U2SURP: variants seen among roughly 807,000 people sequenced by gnomAD.
U2SURP encodes U2 snRNP-associated SURP motif-containing protein.
In U2SURP, 9 loss-of-function variants were observed where a neutral mutation model predicts 144.9. That is an observed-to-expected ratio of 0.06 (90% confidence interval 0.04 to 0.11). The LOEUF is 0.11. Ranked by LOEUF, U2SURP falls within the 10% of genes least tolerant of loss-of-function variation. U2SURP has a pLI of 1.00. For synonymous variants in U2SURP, 408 were observed against 396.8 expected, an observed-to-expected ratio of 1.03 and a Z score of -0.33; for missense variants, 724 against 1,226.7, an observed-to-expected ratio of 0.59 and a Z score of 6.12.
intron 24 of U2SURP, among the ~76,000 whole-genome samples, chr3:143,046,297 A>ATTTTTTTTTTTTTTTTTTTTTTTTTTTTT (rs11400849): frequency 3.8e-5 from 4 of 106,396 alleles, no homozygotes; most frequent in Non-Finnish European, 5.8e-5. Context: ...TTTATTTTTT[A>ATTTTTTTTTTTTTTTTTTTTTTTTTTTTT]TTTTTTTTTA....
chr3:143,042,010 A>AT (rs1173130103), intron 23 of U2SURP, among the ~76,000 whole-genome samples: 25 of 151,810 alleles, frequency 1.6e-4, no homozygotes, highest in South Asian at 1.0e-3. Context: ...CTCAGAATGT[A>AT]TTTTTTTTAA....
chr3:143,003,512 G>A (rs1935645741), intron 1 of U2SURP, among the ~76,000 whole-genome samples: 1 of 152,026 alleles, frequency 6.6e-6, no homozygotes, highest in South Asian at 2.1e-4. Flanking sequence ...TGTCTATGAA[G>A]TACATAATAA....
chr3:143,055,126 G>A lies in U2SURP; in HGVS notation c.2951+7G>A, dbSNP rs1935076744. On this transcript the variant is annotated splice_region_variant and intron_variant, in intron 27 of 27. Coordinates refer to ENST00000473835, the MANE Select transcript of U2SURP (RefSeq NM_001080415.2). ...TTAGCAAAAAAGCCAAAAGGTAAAT[G>A]CAAGTCATTTTTGCTAATATTTCAG... 2 of 1,566,654 alleles carry A rather than the reference G, an allele frequency of 1.3e-6. No homozygotes were observed. The highest frequency in any genetic ancestry group is 1.2e-5 in the South Asian group (1 of 81,430).
At chr3:143,048,380 C>T (rs1479134732) in intron 24 of U2SURP, among the ~76,000 whole-genome samples, 2 of 152,170 alleles carry the variant, frequency 1.3e-5, no homozygotes, top group Non-Finnish European at 2.9e-5. Context: ...CTCTTTCTAA[C>T]GCAAACTGAT....
intron 13 of U2SURP, chr3:143,025,864 T>C (rs536642322): frequency 1.3e-5 from 2 of 152,278 alleles, no homozygotes; most frequent in Non-Finnish European, 2.9e-5. Context: ...GAGAAAATAA[T>C]TATAGTCACC....
chr3:143,055,289 A>G (rs1424462395), intron 27 of U2SURP, among the ~76,000 whole-genome samples, 170 bp downstream of exon 27: 3 of 151,852 alleles, frequency 2.0e-5, no homozygotes, highest in East Asian at 1.9e-4. Flanking sequence ...CCTCATCCCA[A>G]TCTCTTTCAT....
intron 13 of U2SURP, chr3:143,024,544 C>T: frequency 4.6e-6 from 2 of 434,444 alleles, no homozygotes; most frequent in East Asian, 7.1e-5. Flanking sequence ...TTCATGGTAA[C>T]AAAGGTATTT....
chr3:143,033,499 C>G, intron 18 of U2SURP, 149 bp downstream of exon 18: 1 of 560,382 alleles, frequency 1.8e-6, no homozygotes, highest in Non-Finnish European at 3.1e-6. Context: ...TGAATTCAAC[C>G]AACCATGAAT....
chr3:143,042,190 A>G (rs745551958), intron 23 of U2SURP, among the ~76,000 whole-genome samples: 16 of 152,068 alleles, frequency 1.1e-4, no homozygotes, highest in Non-Finnish European at 1.8e-4. Context: ...ATAGTCTCTC[A>G]GGTTTTTATT....
intron 4 of U2SURP, among the ~76,000 whole-genome samples, chr3:143,015,255 G>C (rs1005766333): frequency 6.6e-6 from 1 of 152,046 alleles, no homozygotes; most frequent in Non-Finnish European, 1.5e-5. Context: ...TCTGTGAACT[G>C]TCTGCTCATA....
chr3:143,051,060 AGT>A lies in U2SURP; in HGVS notation c.2655+12_2655+13del, dbSNP rs1425786685. The A allele has an allele frequency of 6.6e-7, 1 of 1,512,642 alleles. No homozygotes were observed. The allele number at this position is 1,512,642 out of a possible 1,614,324, so 93.7% of individuals were successfully genotyped here. A position where few individuals can be genotyped will look rare whatever the true frequency, so the allele number is the denominator to read the frequency against. On this transcript the variant is annotated intron_variant, in intron 25 of 27. Coordinates refer to ENST00000473835, the MANE Select transcript of U2SURP (RefSeq NM_001080415.2). ...AAACTTCTTCAACGAGTAAGGAATA[AGT>A]ATACCCAATAATACACATATTTTGA...
chr3:143,023,404 A>C (rs1932950822), intron 12 of U2SURP: 1 of 197,252 alleles, frequency 5.1e-6, no homozygotes, highest in Non-Finnish European at 1.0e-5. Flanking sequence ...TTTCAATTAG[A>C]AAGACCTCCT....
chr3:143,006,572 A>T (rs948830792), intron 1 of U2SURP, among the ~76,000 whole-genome samples: 1 of 152,060 alleles, frequency 6.6e-6, no homozygotes, highest in African/African-American at 2.4e-5. Context: ...CCTGACCAAT[A>T]TGGAGAAACC....
At chr3:143,023,892 A>G (rs895484768) in intron 12 of U2SURP, 83 bp from the exon 13 acceptor site, 5 of 1,282,384 alleles carry the variant, frequency 3.9e-6, no homozygotes, top group South Asian at 1.2e-5. Flanking sequence ...AGTATTTTCA[A>G]TGCATATGTA....
intron 20 of U2SURP, among the ~76,000 whole-genome samples, chr3:143,036,553 C>A (rs888917063): frequency 7.9e-5 from 12 of 152,114 alleles, no homozygotes; most frequent in African/African-American, 2.9e-4. Context: ...TTAATTCTGC[C>A]ATGCTAGTCA....
chr3:143,004,708 C>T (rs1460162212), intron 1 of U2SURP, among the ~76,000 whole-genome samples: 2 of 151,782 alleles, frequency 1.3e-5, no homozygotes, highest in African/African-American at 4.8e-5. Context: ...ATAATTGTCC[C>T]TAATGAAGAG....
At chr3:143,017,118 A>T (rs1214271562) in intron 6 of U2SURP, 143 bp downstream of exon 6, 2 of 658,144 alleles carry the variant, frequency 3.0e-6, no homozygotes, top group Non-Finnish European at 4.6e-6. Flanking sequence ...TTTCTAACCC[A>T]GTAATTTACT....
intron 16 of U2SURP, among the ~76,000 whole-genome samples, chr3:143,032,313 C>T (rs184934396): frequency 5.3e-5 from 8 of 152,254 alleles, no homozygotes; most frequent in South Asian, 2.1e-4. Context: ...CCTTGTGATC[C>T]GCCTACCTTG....
Position 143,037,273 on chromosome 3 carries a change from C to G in U2SURP, c.2159C>G (p.Pro720Arg), listed in dbSNP as rs779224115. ...GATGGAATTCCTATTGATGCTACTC[C>G]CATCGATGATCTTGATGGAGTCCCT... is the stretch of plus-strand genomic sequence containing the variant. ...DVDGIPIDAT[P>R]IDDLDGVPIK... Residue 720 changes from proline to arginine, a missense_variant, in exon 21 of 28, where the codon CCC becomes CGC. Transcript: ENST00000473835. The G allele has an allele frequency of 7.5e-5, 121 of 1,612,514 alleles. No individual in the cohort carries two copies. The highest frequency in any genetic ancestry group is 9.5e-5 in the Non-Finnish European group (112 of 1,179,316).
Sources: gnomAD v4.1 joint callset for allele counts (sites outside exome capture counted in the v4.1 genomes callset) on GRCh38, gnomAD v4.1.1 for gene constraint, MANE v1.5 for transcripts, NCBI Gene and HGNC (gene_info 2026-07-23, HGNC 2026-07-21) for gene names.